The following GALNT13 variants were observed in gnomAD, a reference collection of about 807,000 sequenced individuals.
GALNT13 encodes UDP-GalNAc:polypeptide N-acetylgalactosaminyltransferase 13.
In GALNT13, 28 loss-of-function variants were observed where a neutral mutation model predicts 64.2. The observed-to-expected ratio is 0.44, with a 90% CI of 0.32 to 0.60. The LOEUF (loss-of-function observed/expected upper bound fraction) is 0.60, where lower values mean the gene tolerates loss of function less well. Among genes scored for constraint, GALNT13 ranks in the 20% least tolerant of loss-of-function variants. The probability of loss-of-function intolerance (pLI) is 0.05; values close to 1 mark genes in which losing one functional copy is unlikely to be tolerated. For synonymous variants in GALNT13, 214 were observed against 224.6 expected, an observed-to-expected ratio of 0.95 and a Z score of 0.42; for missense variants, 577 against 669.8, an observed-to-expected ratio of 0.86 and a Z score of 1.53.
intron 4 of GALNT13, among the ~76,000 whole-genome samples, chr2:154,156,145 A>G (rs1684407647): frequency 6.6e-6 from 1 of 152,026 alleles, no homozygotes; most frequent in Non-Finnish European, 1.5e-5. Flanking sequence ...ATATTTGACC[A>G]GATAGTTAAT....
chr2:153,394,577 G>A, the GALNT13 span, among the ~76,000 whole-genome samples: 1 of 152,196 alleles, frequency 6.6e-6, no homozygotes, highest in Non-Finnish European at 1.5e-5. Context: ...AACTTAGCAT[G>A]AACTCCCTTT....
At chr2:153,090,360 G>A in the GALNT13 span, among the ~76,000 whole-genome samples, 2 of 152,206 alleles carry the variant, frequency 1.3e-5, no homozygotes, top group Admixed American at 6.5e-5. Context: ...GCAGGGGAAG[G>A]AAGAAGATTC....
the GALNT13 span, among the ~76,000 whole-genome samples, chr2:153,120,588 A>C: frequency 3.9e-5 from 6 of 152,228 alleles, no homozygotes; most frequent in Non-Finnish European, 8.8e-5. Context: ...GTCCAAGATA[A>C]CTATGATCAA....
At chr2:153,527,919 A>G in the GALNT13 span, among the ~76,000 whole-genome samples, 4 of 152,062 alleles carry the variant, frequency 2.6e-5, no homozygotes, top group Non-Finnish European at 4.4e-5. Flanking sequence ...ACCAAAGAAC[A>G]TACAGTGAAT....
chr2:153,367,935 A>T, the GALNT13 span, among the ~76,000 whole-genome samples: 1 of 152,142 alleles, frequency 6.6e-6, no homozygotes, highest in Non-Finnish European at 1.5e-5. Flanking sequence ...AAACAAAAAG[A>T]TGGTAGATTT....
At chr2:153,749,871 A>T in the GALNT13 span, among the ~76,000 whole-genome samples, 1 of 151,954 alleles carries the variant, frequency 6.6e-6, no homozygotes, top group Non-Finnish European at 1.5e-5. Flanking sequence ...TATATTGAAT[A>T]AGAATGGTGA....
chr2:154,427,193 A>C (rs999210344), intron 11 of GALNT13, among the ~76,000 whole-genome samples: 10 of 152,208 alleles, frequency 6.6e-5, no homozygotes, highest in African/African-American at 2.2e-4. Context: ...CCTTTTTCTC[A>C]GATGAGGAAT....
At chr2:154,120,318 T>A (rs1364535) in intron 3 of GALNT13, among the ~76,000 whole-genome samples, 28,396 of 152,156 alleles carry the variant, frequency 0.19, 3,359 homozygotes, top group Non-Finnish European at 0.26. Flanking sequence ...ATTACCTGGC[T>A]GGGCAATTCT....
intron 3 of GALNT13, among the ~76,000 whole-genome samples, chr2:154,058,377 T>TA (rs1400212704): frequency 6.6e-6 from 1 of 152,206 alleles, no homozygotes. Context: ...CAGCCATAAA[T>TA]AATAAGTGTA....
intron 4 of GALNT13, among the ~76,000 whole-genome samples, chr2:154,238,735 T>G (rs889779264): frequency 6.6e-6 from 1 of 151,998 alleles, no homozygotes; most frequent in Non-Finnish European, 1.5e-5. Flanking sequence ...AACTAAAAGT[T>G]ATATATACTT....
chr2:154,408,721 A>G (rs549100183), intron 10 of GALNT13, among the ~76,000 whole-genome samples: 1 of 152,158 alleles, frequency 6.6e-6, no homozygotes, highest in East Asian at 1.9e-4. Flanking sequence ...CTATGATACT[A>G]TGCTATAAAC....
chr2:153,791,744 TA>T, the GALNT13 span, among the ~76,000 whole-genome samples: 8 of 152,142 alleles, frequency 5.3e-5, no homozygotes, highest in South Asian at 1.7e-3. Flanking sequence ...TATGCAGCCA[TA>T]AAAAAGAACA....
chr2:153,701,699 C>T, the GALNT13 span, among the ~76,000 whole-genome samples: 1 of 152,104 alleles, frequency 6.6e-6, no homozygotes, highest in Non-Finnish European at 1.5e-5. Context: ...TTTCAAAAGA[C>T]ACGTATATGG....
the GALNT13 span, among the ~76,000 whole-genome samples, chr2:153,433,453 T>G: frequency 6.6e-6 from 1 of 152,228 alleles, no homozygotes; most frequent in African/African-American, 2.4e-5. Context: ...CCTGGTGTCA[T>G]TATTCTTATA....
chr2:154,276,743 G>A (rs1490957156), intron 8 of GALNT13, among the ~76,000 whole-genome samples: 1 of 152,168 alleles, frequency 6.6e-6, no homozygotes, highest in Non-Finnish European at 1.5e-5. Flanking sequence ...TCATGTTGGA[G>A]GGATCTGGTG....
At chr2:154,175,316 T>C (rs886689057) in intron 4 of GALNT13, among the ~76,000 whole-genome samples, 8 of 152,146 alleles carry the variant, frequency 5.3e-5, no homozygotes, top group Non-Finnish European at 8.8e-5. Context: ...ATCAATACTG[T>C]GATCAAATCA....
At chr2:153,509,467 A>T in the GALNT13 span, among the ~76,000 whole-genome samples, 1 of 152,268 alleles carries the variant, frequency 6.6e-6, no homozygotes, top group Admixed American at 6.5e-5. Context: ...TATATTTAAG[A>T]ACTTGAAACT....
At chr2:153,889,955 G>A (rs1214424538) in intron 1 of GALNT13, among the ~76,000 whole-genome samples, 1 of 151,742 alleles carries the variant, frequency 6.6e-6, no homozygotes, top group East Asian at 2.0e-4. Context: ...ATTTAGTTTT[G>A]TGGGTGTGTC....
intron 9 of GALNT13, among the ~76,000 whole-genome samples, chr2:154,317,373 T>C (rs942035748): frequency 6.6e-6 from 1 of 152,180 alleles, no homozygotes; most frequent in African/African-American, 2.4e-5. Context: ...GAATTGATTT[T>C]TAGTGAAGTA....
Sources: gnomAD v4.1 joint callset for allele counts (sites outside exome capture counted in the v4.1 genomes callset) on GRCh38, gnomAD v4.1.1 for gene constraint, MANE v1.5 for transcripts, NCBI Gene and HGNC (gene_info 2026-07-23, HGNC 2026-07-21) for gene names.